The following ME3 variants were observed in gnomAD, a reference collection of about 807,000 sequenced individuals.
ME3 encodes NADP-dependent malic enzyme, mitochondrial.
In ME3, 48 loss-of-function variants were observed where a neutral mutation model predicts 68.9. The observed-to-expected ratio is 0.70, with a 90% CI of 0.55 to 0.89. The LOEUF (loss-of-function observed/expected upper bound fraction) is 0.89. Among genes scored for constraint, ME3 ranks in the 40% least tolerant of loss-of-function variants. The pLI is 0.00. For synonymous variants in ME3, 320 were observed against 318.8 expected (o/e 1.00, Z -0.04); for missense variants, 675 against 797.4 (o/e 0.85, Z 1.85).
At chr11:86,635,806 C>T (rs1490246447) in intron 2 of ME3, among the ~76,000 whole-genome samples, 1 of 152,154 alleles carries the variant, frequency 6.6e-6, no homozygotes, top group Non-Finnish European at 1.5e-5. Context: ...ACTAACACAG[C>T]CTATGTCATT....
chr11:86,575,489 T>A lies in ME3; in HGVS notation c.184-15666A>T, dbSNP rs1958048318. 1.4e-5 allele frequency among the ~76,000 whole-genome samples: 2 copies of A among 147,486 alleles called. 1 individual carries two copies. Among genetic ancestry groups the A allele is most frequent in the Admixed American group, 1.3e-4 (2 of 14,978 alleles). Reference sequence around the variant, plus strand: ...AAGGAAATGATTTGGAATATAAATATTAAAGTTATTAACAATGATAGGAAT... The same window carrying A: ...AAGGAAATGATTTGGAATATAAATAATAAAGTTATTAACAATGATAGGAAT... On this transcript the variant is annotated intron_variant, in intron 2 of 14. Transcript: ENST00000543262.
intron 2 of ME3, among the ~76,000 whole-genome samples, chr11:86,670,453 C>A (rs995080180): frequency 6.6e-6 from 1 of 152,184 alleles, no homozygotes; most frequent in African/African-American, 2.4e-5. Flanking sequence ...GATAAAGGAG[C>A]CTTTGTGTGC....
At chr11:86,671,824 C>T (rs1216894148) in exon 2 of ME3, 2 of 1,600,992 alleles carry the variant, frequency 1.2e-6, no homozygotes, top group Non-Finnish European at 8.5e-7. Flanking sequence ...ACAGGGCGCG[C>T]CGGGCCAGGC....
intron 4 of ME3, among the ~76,000 whole-genome samples, chr11:86,511,948 A>C (rs1953558801): frequency 6.6e-6 from 1 of 151,924 alleles, no homozygotes; most frequent in Middle Eastern, 3.2e-3. Flanking sequence ...GTGCGCAAGA[A>C]CCATTTTCCA....
intron 4 of ME3, among the ~76,000 whole-genome samples, chr11:86,547,236 T>C (rs1437261283): frequency 2.0e-5 from 2 of 98,668 alleles, no homozygotes; most frequent in Middle Eastern, 7.7e-3. Context: ...CAAGACTCCA[T>C]CTCAAAAAAA....
chr11:86,531,333 A>C (rs939265450), intron 4 of ME3, among the ~76,000 whole-genome samples: 7 of 152,062 alleles, frequency 4.6e-5, no homozygotes, highest in East Asian at 1.9e-4. Context: ...GGCCATCATT[A>C]AAAAGTCAGG....
In ME3 at chr11:86,474,592, ATGTCAGCCCATATT is replaced by A. The variant is rs555183264; in HGVS notation, c.810-9406_810-9393del. Among the ~76,000 whole-genome samples the A allele has an allele frequency of 9.9e-5, 15 of 152,276 alleles. No individual in the cohort carries two copies. In the South Asian group the frequency reaches 3.1e-3, roughly 32 times the overall value. On this transcript the variant is annotated intron_variant, in intron 7 of 14. Transcript: ENST00000543262. ...GGCTGGCTTGGGGGCTTCAGCATGTATGTCAGCCCATATTTGTCCTTAGATTGTGCATATCAGGT... is the reference window on the plus strand; with the variant it reads ...GGCTGGCTTGGGGGCTTCAGCATGTATGTCCTTAGATTGTGCATATCAGGT...
At chr11:86,597,270 T>A (rs1959650534) in intron 2 of ME3, among the ~76,000 whole-genome samples, 1 of 152,212 alleles carries the variant, frequency 6.6e-6, no homozygotes, top group African/African-American at 2.4e-5. Context: ...CGTTCCAAGG[T>A]CACGGCAGAA....
rs139595092 is a variant in ME3, at chr11:86,551,881, A to C, written c.467+4672T>G. Among the ~76,000 whole-genome samples the C allele has an allele frequency of 3.2e-3, 482 of 152,346 alleles. 4 individuals are homozygous for C. Among genetic ancestry groups the C allele is most frequent in the African/African-American group, 0.011 (470 of 41,580 alleles). On this transcript the variant is annotated intron_variant, in intron 4 of 14. Transcript: ENST00000543262. ...TACATAAAACCAAGTCCCACTTCCC[A>C]GCCTCACCTTTCTAACTCATCACAG...
intron 4 of ME3, among the ~76,000 whole-genome samples, chr11:86,519,421 A>T (rs1472668157): frequency 6.6e-6 from 1 of 152,240 alleles, no homozygotes; most frequent in Non-Finnish European, 1.5e-5. Flanking sequence ...CCTGTAGAAG[A>T]GTGATTCTTG....
chr11:86,647,853 C>G (rs1378237803), intron 2 of ME3, among the ~76,000 whole-genome samples: 1 of 152,158 alleles, frequency 6.6e-6, no homozygotes, highest in Non-Finnish European at 1.5e-5. Flanking sequence ...ATCAACGAGA[C>G]ATAAAATCAA....
intron 2 of ME3, among the ~76,000 whole-genome samples, chr11:86,576,646 C>CT (rs940286009): frequency 1.3e-5 from 2 of 152,174 alleles, no homozygotes; most frequent in African/African-American, 4.8e-5. Flanking sequence ...GTAAGAGCCC[C>CT]TTCTCTCCTC....
chr11:86,534,081 G>GTGTATATATATATATATATA (rs1361825219), intron 4 of ME3, among the ~76,000 whole-genome samples: 5 of 127,514 alleles, frequency 3.9e-5, no homozygotes, highest in African/African-American at 1.3e-4. Flanking sequence ...GTGTGTGTGT[G>GTGTATATATATATATATATA]TATATATATA....
intron 2 of ME3, among the ~76,000 whole-genome samples, chr11:86,586,323 G>T (rs1958731368): frequency 6.6e-6 from 1 of 152,174 alleles, no homozygotes. Context: ...GTGAAGTGGA[G>T]AACTGAGTAG....
chr11:86,481,596 G>A (rs1337298207), intron 7 of ME3, among the ~76,000 whole-genome samples: 1 of 152,118 alleles, frequency 6.6e-6, no homozygotes, highest in Non-Finnish European at 1.5e-5. Flanking sequence ...TGGGGGTGGA[G>A]TGTACCCAAG....
rs370012500 is a variant in ME3, at chr11:86,447,146, G to A, written c.1299C>T (p.His433=). The change falls in exon 12 of 15, where the codon CAC becomes CAT. Residue 433 remains histidine (H), a synonymous_variant. Coordinates refer to ENST00000543262, the Ensembl canonical transcript of ME3. ...TCAGGGCAAAGATGATAGGGCGCTC[G>A]TGGAAGGAGGCCATGTCCCTCAGAA... 4.6e-5 allele frequency: 75 copies of A among 1,614,068 alleles called. 1 individual carries two copies. In the South Asian group the frequency reaches 6.8e-4, roughly 15 times the overall value.
intron 2 of ME3, among the ~76,000 whole-genome samples, chr11:86,661,409 C>G (rs918665528): frequency 6.6e-6 from 1 of 152,162 alleles, no homozygotes. Flanking sequence ...AAGAACAAAA[C>G]CAAAGAGCAT....
chr11:86,492,366 G>C (rs942206696), intron 6 of ME3, among the ~76,000 whole-genome samples: 1 of 152,194 alleles, frequency 6.6e-6, no homozygotes, highest in Non-Finnish European at 1.5e-5. Flanking sequence ...GAAATCACTT[G>C]GTTCTGCTTC....
intron 2 of ME3, among the ~76,000 whole-genome samples, chr11:86,624,819 A>C (rs988848586): frequency 2.6e-5 from 4 of 152,344 alleles, no homozygotes; most frequent in Non-Finnish European, 5.9e-5. Context: ...TAAGGACCAG[A>C]TCACAGAGGG....
Sources: gnomAD v4.1 joint callset for allele counts (sites outside exome capture counted in the v4.1 genomes callset) on GRCh38, gnomAD v4.1.1 for gene constraint, MANE v1.5 for transcripts, NCBI Gene and HGNC (gene_info 2026-07-23, HGNC 2026-07-21) for gene names.